KIT: variants seen among roughly 807,000 people sequenced by gnomAD.
KIT encodes mast/stem cell growth factor receptor Kit.
KIT carries 16 observed loss-of-function variants against 105.7 expected under a neutral mutation model. The observed-to-expected ratio is 0.15, with a 90% CI of 0.10 to 0.23. The LOEUF is 0.23. Ranked by LOEUF, KIT falls within the 10% of genes least tolerant of loss-of-function variation. The pLI is 1.00. For missense variants in KIT, 858 were observed against 1,213.8 expected (o/e 0.71, Z 4.36); for synonymous variants, 438 against 441.1 (o/e 0.99, Z 0.09).
At chr4:54,694,727 A>G (rs1318597725) in intron 1 of KIT, among the ~76,000 whole-genome samples, 1 of 152,198 alleles carries the variant, frequency 6.6e-6, no homozygotes, top group Non-Finnish European at 1.5e-5. Flanking sequence ...ACCATGTGTC[A>G]CACTAGCATG....
At position 54,740,192 on chromosome 4, in the gene KIT, C is replaced by G. The variant is rs1330180009; in HGVS notation, c.*1635C>G. ...ACATTTAGAGAACTGTGGCCGTTATCTGGAAGTAACCATTTGCACTGGAGT... is the reference window on the plus strand; with the variant it reads ...ACATTTAGAGAACTGTGGCCGTTATGTGGAAGTAACCATTTGCACTGGAGT... On this transcript the variant is annotated 3_prime_UTR_variant, in exon 21 of 21. Coordinates refer to ENST00000288135, the MANE Select transcript of KIT (RefSeq NM_000222.3). The G allele has an allele frequency of 1.3e-5, 3 of 233,478 alleles. No individual in the cohort carries two copies. The East Asian group carries it at 1.8e-4, about 14-fold the overall frequency. 14.5% of individuals were successfully genotyped at this position (233,478 alleles called of 1,614,324 possible). A position where few individuals can be genotyped will look rare whatever the true frequency, so the allele number is the denominator to read the frequency against.
chr4:54,715,792 G>A (rs576630555), intron 7 of KIT, among the ~76,000 whole-genome samples: 223 of 152,242 alleles, frequency 1.5e-3, no homozygotes, highest in African/African-American at 5.3e-3. Context: ...CATATAGATG[G>A]CTTCACCTGT....
chr4:54,708,352 G>C (rs150912203), intron 6 of KIT, among the ~76,000 whole-genome samples: 1 of 152,220 alleles, frequency 6.6e-6, no homozygotes, highest in African/African-American at 2.4e-5. Flanking sequence ...ACTTATGCAG[G>C]GATAGACTGA....
Position 54,657,998 on chromosome 4 carries a change from C to T in KIT, c.-17C>T, listed in dbSNP as rs764088627. ...TGGAACGTGGACCAGAGCTCGGATC[C>T]CATCGCAGCTACCGCGATGAGAGGC... On this transcript the variant is annotated 5_prime_UTR_variant, in exon 1 of 21. Transcript: ENST00000288135. The T allele has an allele frequency of 1.2e-6, 2 of 1,611,476 alleles. No homozygotes were observed. Among genetic ancestry groups the T allele is most frequent in the South Asian group, 2.2e-5 (2 of 91,018 alleles).
At chr4:54,738,359 G>T (rs1723044722) in intron 20 of KIT, 70 bp from the exon 21 acceptor site, 2 of 1,564,982 alleles carry the variant, frequency 1.3e-6, no homozygotes, top group Non-Finnish European at 1.8e-6. Context: ...TCTTGACACT[G>T]TAAGTATGCC....
In KIT at chr4:54,662,188, C is replaced by T. The variant is rs555319168; in HGVS notation, c.67+4107C>T. ...ATCCCTTAGGCATTCCCCACTGGGCCCTGGTGAGTGCAGGAATCCAAATAT... is the reference window on the plus strand; with the variant it reads ...ATCCCTTAGGCATTCCCCACTGGGCTCTGGTGAGTGCAGGAATCCAAATAT... On this transcript the variant is annotated intron_variant, in intron 1 of 20. Coordinates refer to ENST00000288135, the MANE Select transcript of KIT (RefSeq NM_000222.3). 4.6e-5 allele frequency among the ~76,000 whole-genome samples: 7 copies of T among 152,134 alleles called. No homozygotes were observed. The South Asian group carries it at 1.5e-3, about 32-fold the overall frequency.
At chr4:54,675,123 C>G (rs1718378012) in intron 1 of KIT, among the ~76,000 whole-genome samples, 1 of 152,144 alleles carries the variant, frequency 6.6e-6, no homozygotes, top group Non-Finnish European at 1.5e-5. Flanking sequence ...TTTCCTTCCT[C>G]CAACCTGAGT....
intron 7 of KIT, among the ~76,000 whole-genome samples, chr4:54,718,444 A>T (rs1357179918): frequency 6.6e-6 from 1 of 152,212 alleles, no homozygotes; most frequent in Non-Finnish European, 1.5e-5. Flanking sequence ...GATTAGTTTT[A>T]AAAAATCAGG....
intron 1 of KIT, among the ~76,000 whole-genome samples, chr4:54,675,590 TTC>T (rs1312505827): frequency 2.0e-5 from 3 of 152,240 alleles, no homozygotes; most frequent in East Asian, 1.9e-4. Context: ...CCTAATTATT[TTC>T]TGTTTTGCTT....
At chr4:54,693,378 C>G (rs1394305763) in intron 1 of KIT, among the ~76,000 whole-genome samples, 3 of 152,212 alleles carry the variant, frequency 2.0e-5, no homozygotes, top group Non-Finnish European at 2.9e-5. Context: ...TTAAATCTCT[C>G]ATGACCCTTT....
At chr4:54,708,902 C>G (rs1020633690) in intron 6 of KIT, among the ~76,000 whole-genome samples, 2 of 152,198 alleles carry the variant, frequency 1.3e-5, no homozygotes, top group Non-Finnish European at 2.9e-5. Context: ...GTGGCAAATA[C>G]TGCCAGGAGC....
Position 54,740,613 on chromosome 4 carries a change from G to GT in KIT, c.*2057dup. 4.3e-6 allele frequency: 1 copy of GT among 232,806 alleles called. No individual in the cohort carries two copies. Among genetic ancestry groups the GT allele is most frequent in the East Asian group, 6.1e-5 (1 of 16,420 alleles). 14.4% of individuals were successfully genotyped at this position (232,806 alleles called of 1,614,324 possible). ...CTTTATGTGTAAATACATAAGCGGC[G>GT]TAAGTTTAAAGGATGTTGGTGTTCC... is the stretch of plus-strand genomic sequence containing the variant. On this transcript the variant is annotated 3_prime_UTR_variant, in exon 21 of 21. Coordinates refer to ENST00000288135, the MANE Select transcript of KIT (RefSeq NM_000222.3).
rs558178243 is a variant in KIT at position 54,740,021 on chromosome 4, AAAAAC to A, written c.*1484_*1488del. 6.8e-4 allele frequency: 160 copies of A among 233,598 alleles called. 1 individual carries two copies. The highest frequency in any genetic ancestry group is 6.0e-3 in the South Asian group (33 of 5,524). 14.5% of individuals were successfully genotyped at this position (233,598 alleles called of 1,614,324 possible). On this transcript the variant is annotated 3_prime_UTR_variant, in exon 21 of 21. Coordinates refer to ENST00000288135, the MANE Select transcript of KIT (RefSeq NM_000222.3). ...TATTATTCTTGTAGTTTACCTCTTT[AAAAAC>A]AAAACAAAACAAAACAAAAAACTCC...
chr4:54,735,706 AG>A (rs1267341321), intron 17 of KIT, among the ~76,000 whole-genome samples: 1 of 152,256 alleles, frequency 6.6e-6, no homozygotes, highest in Non-Finnish European at 1.5e-5. Context: ...TTACAGAAGA[AG>A]ATACTGAGGC....
At chr4:54,722,268 G>A (rs1451948837) in intron 7 of KIT, among the ~76,000 whole-genome samples, 1 of 152,152 alleles carries the variant, frequency 6.6e-6, no homozygotes, top group Non-Finnish European at 1.5e-5. Context: ...TGGGATTATA[G>A]GCTTGAGCCA....
rs191550670 is a variant in KIT, at chr4:54,719,785, C to T, written c.1232-3799C>T. ...TAATGCCAAACACGGTGCATTGAGG[C>T]ACTTATAAAATGCAGATGAGCCCAG... On this transcript the variant is annotated intron_variant, in intron 7 of 20. Coordinates refer to ENST00000288135, the MANE Select transcript of KIT (RefSeq NM_000222.3). Among the ~76,000 whole-genome samples, 4 of 152,234 alleles carry T rather than the reference C, an allele frequency of 2.6e-5. No homozygotes were observed. In the East Asian group the frequency reaches 7.7e-4, roughly 29 times the overall value.
intron 4 of KIT, among the ~76,000 whole-genome samples, chr4:54,702,296 TTAA>T (rs1720502159): frequency 1.3e-5 from 2 of 152,172 alleles, no homozygotes; most frequent in African/African-American, 4.8e-5. Context: ...AAAATTGATT[TTAA>T]TAATATATTT....
intron 3 of KIT, among the ~76,000 whole-genome samples, chr4:54,699,336 T>G (rs1050006158): frequency 6.6e-6 from 1 of 152,058 alleles, no homozygotes; most frequent in African/African-American, 2.4e-5. Flanking sequence ...AAATAAAGAT[T>G]AAAGCAGCTT....
intron 1 of KIT, among the ~76,000 whole-genome samples, chr4:54,658,616 T>G (rs1270492575): frequency 2.6e-5 from 4 of 152,038 alleles, no homozygotes; most frequent in Admixed American, 6.5e-5. Flanking sequence ...GCGCTCTTTG[T>G]GCCCAGAGCT....
Sources: gnomAD v4.1 joint callset for allele counts (sites outside exome capture counted in the v4.1 genomes callset) on GRCh38, gnomAD v4.1.1 for gene constraint, MANE v1.5 for transcripts, NCBI Gene and HGNC (gene_info 2026-07-23, HGNC 2026-07-21) for gene names.